Variants in RARB observed in about 807,000 individuals in gnomAD.
The protein encoded by RARB is HBV-activated protein.
In RARB, 17 loss-of-function variants were observed where a neutral mutation model predicts 51.9. The observed-to-expected ratio is 0.33, with a 90% CI of 0.22 to 0.49. The LOEUF is 0.49. Ranked by LOEUF, RARB falls within the 20% of genes least tolerant of loss-of-function variation. The probability of loss-of-function intolerance (pLI) is 0.99; values close to 1 mark genes in which losing one functional copy is unlikely to be tolerated. For missense variants in RARB, 369 were observed against 550.8 expected, an observed-to-expected ratio of 0.67 and a Z score of 3.30; for synonymous variants, 215 against 195.4, an observed-to-expected ratio of 1.10 and a Z score of -0.84.
chr3:25,032,746 T>C (rs1004429375), intron 2 of RARB, among the ~76,000 whole-genome samples: 3 of 152,156 alleles, frequency 2.0e-5, no homozygotes, highest in Non-Finnish European at 2.9e-5. Flanking sequence ...GAGGGTAATA[T>C]GCTGGAATTG....
intron 5 of RARB, among the ~76,000 whole-genome samples, chr3:25,385,078 C>G (rs1327671114): frequency 6.6e-6 from 1 of 152,296 alleles, no homozygotes; most frequent in Admixed American, 6.5e-5. Context: ...AAAGCGTACA[C>G]TCCTCCCTCC....
rs557784646 is a variant in RARB, at chr3:25,293,597, T to TTAAAAAAAA, written c.178+119022_178+119023insTAAAAAAAA. 5.8e-5 allele frequency among the ~76,000 whole-genome samples: 4 copies of TTAAAAAAAA among 68,664 alleles called. No homozygotes were observed. The East Asian group carries it at 3.3e-3, about 57-fold the overall frequency. 45.0% of individuals were successfully genotyped at this position (68,664 alleles called of 152,430 possible). On this transcript the variant is annotated intron_variant, in intron 5 of 11. Transcript: ENST00000383772. Reference sequence around the variant, plus strand: ...TTCCCGAGGCTAGAGTTACTCCATTTAAAAAAAAAAAAAAAAAAAAAGTTC... The same window carrying TTAAAAAAAA: ...TTCCCGAGGCTAGAGTTACTCCATTTTAAAAAAAAAAAAAAAAAAAAAAAAAAAAAGTTC...
chr3:25,283,862 C>A (rs1167368521), intron 5 of RARB, among the ~76,000 whole-genome samples: 1 of 152,214 alleles, frequency 6.6e-6, no homozygotes, highest in Non-Finnish European at 1.5e-5. Context: ...GCAGCCTTCT[C>A]TAGTAGCGCT....
chr3:24,935,573 C>T (rs748415023), intron 2 of RARB, among the ~76,000 whole-genome samples: 1 of 152,014 alleles, frequency 6.6e-6, no homozygotes, highest in African/African-American at 2.4e-5. Context: ...TATTCACACC[C>T]CTAATTCTAT....
At chr3:25,054,999 T>A (rs1698407941) in intron 2 of RARB, among the ~76,000 whole-genome samples, 1 of 152,192 alleles carries the variant, frequency 6.6e-6, no homozygotes, top group African/African-American at 2.4e-5. Context: ...AGATATAATG[T>A]ACTGTCTCAT....
intron 1 of RARB, among the ~76,000 whole-genome samples, chr3:25,434,715 T>G (rs1428873488): frequency 6.6e-6 from 1 of 151,896 alleles, no homozygotes; most frequent in Non-Finnish European, 1.5e-5. Context: ...CTAATTTTTG[T>G]ATTTTTAGTA....
chr3:25,104,549 TAGG>T (rs1227005074), intron 3 of RARB, among the ~76,000 whole-genome samples: 5 of 151,968 alleles, frequency 3.3e-5, no homozygotes, highest in Non-Finnish European at 7.4e-5. Flanking sequence ...GAGGCTATGG[TAGG>T]AGGATTGCTT....
At chr3:25,454,162 C>A (rs1359125672) in intron 1 of RARB, among the ~76,000 whole-genome samples, 3 of 152,148 alleles carry the variant, frequency 2.0e-5, no homozygotes, top group African/African-American at 7.3e-5. Flanking sequence ...TGTCTACACA[C>A]GAGTTCATAC....
At chr3:24,849,319 G>A (rs1448221268) in intron 1 of RARB, among the ~76,000 whole-genome samples, 1 of 152,186 alleles carries the variant, frequency 6.6e-6, no homozygotes, top group Non-Finnish European at 1.5e-5. Flanking sequence ...AGATAAGGGG[G>A]GAGCTACTGT....
At chr3:25,136,034 C>A (rs1457390109) in intron 4 of RARB, among the ~76,000 whole-genome samples, 1 of 151,940 alleles carries the variant, frequency 6.6e-6, no homozygotes, top group Non-Finnish European at 1.5e-5. Context: ...TTGAACAATT[C>A]CTTATCTGAC....
intron 4 of RARB, chr3:25,174,019 T>A (rs1469548961): frequency 1.9e-5 from 3 of 157,382 alleles, no homozygotes; most frequent in Non-Finnish European, 4.2e-5. Context: ...GACAAGGAAT[T>A]AGGAGACCTG....
chr3:25,361,900 G>A (rs7646182), intron 5 of RARB, among the ~76,000 whole-genome samples: 92,476 of 152,000 alleles, frequency 0.61, 28,786 homozygotes, highest in East Asian at 0.84. Flanking sequence ...GAGGTGTCCT[G>A]TTTGAGGTAT....
At chr3:25,359,130 G>C (rs901320968) in intron 5 of RARB, among the ~76,000 whole-genome samples, 11 of 151,920 alleles carry the variant, frequency 7.2e-5, no homozygotes, top group Non-Finnish European at 1.0e-4. Flanking sequence ...TTGGTTGGTA[G>C]GATATCAGTT....
chr3:24,840,537 C>T (rs1271275657), intron 1 of RARB, among the ~76,000 whole-genome samples: 7 of 152,016 alleles, frequency 4.6e-5, no homozygotes, highest in Non-Finnish European at 8.8e-5. Context: ...TCCAGCTAAA[C>T]CATGTATATG....
chr3:24,887,456 G>A (rs538261589), intron 2 of RARB, among the ~76,000 whole-genome samples: 4 of 152,312 alleles, frequency 2.6e-5, no homozygotes, highest in African/African-American at 9.6e-5. Flanking sequence ...GAGAGTTACA[G>A]TATTGAGTGT....
intron 3 of RARB, among the ~76,000 whole-genome samples, chr3:25,527,537 T>TTTTG (rs1208561141): frequency 6.6e-6 from 1 of 152,206 alleles, no homozygotes; most frequent in African/African-American, 2.4e-5. Context: ...GAACTGGAGT[T>TTTTG]TCCTTAAGTA....
chr3:25,523,934 A>G (rs1358888938), intron 3 of RARB, among the ~76,000 whole-genome samples: 4 of 152,198 alleles, frequency 2.6e-5, no homozygotes, highest in Admixed American at 6.5e-5. Context: ...TCCCATTCCT[A>G]TATAAAGTAC....
intron 2 of RARB, among the ~76,000 whole-genome samples, chr3:25,029,584 G>T (rs752117487): frequency 2.6e-5 from 4 of 152,092 alleles, no homozygotes; most frequent in Non-Finnish European, 4.4e-5. Context: ...TCAAATGTGC[G>T]GTCAGTGGGG....
intron 2 of RARB, among the ~76,000 whole-genome samples, chr3:24,913,033 T>G (rs1695027757): frequency 7.5e-6 from 1 of 133,926 alleles, no homozygotes; most frequent in African/African-American, 2.8e-5. Flanking sequence ...CAGGCTGGAG[T>G]GCAGTGGCGC....
Sources: allele counts gnomAD v4.1 joint callset (sites outside exome capture counted in the v4.1 genomes callset), GRCh38; gene constraint gnomAD v4.1.1; transcripts MANE v1.5; gene names NCBI Gene and HGNC (gene_info 2026-07-23, HGNC 2026-07-21).